Variants in IKBKB observed in about 807,000 individuals in gnomAD.
IKBKB encodes the protein inhibitor of nuclear factor kappa-B kinase subunit beta.
A neutral mutation model predicts 113.6 loss-of-function variants in IKBKB; 42 were observed. That is an observed-to-expected ratio of 0.37 (90% CI 0.29 to 0.48). IKBKB has a LOEUF of 0.48. Among genes scored for constraint, IKBKB ranks in the 20% least tolerant of loss-of-function variants. The probability of loss-of-function intolerance (pLI) is 0.99; values close to 1 mark genes in which losing one functional copy is unlikely to be tolerated. For synonymous variants in IKBKB, 296 were observed against 361.3 expected (o/e 0.82, Z 2.05); for missense variants, 673 against 939.7 (o/e 0.72, Z 3.71).
At chr8:42,307,536 G>A (rs890348279) in intron 7 of IKBKB, among the ~76,000 whole-genome samples, 2 of 152,142 alleles carry the variant, frequency 1.3e-5, no homozygotes, top group African/African-American at 4.8e-5. Context: ...TTCCAGGAGG[G>A]CTTAGCACAA....
Position 42,271,311 on chromosome 8 carries a change from G to C in IKBKB, c.-177G>C. 1.1e-6 allele frequency: 1 copy of C among 947,678 alleles called. No individual in the cohort carries two copies. The highest frequency in any genetic ancestry group is 1.4e-5 in the South Asian group (1 of 72,390). 58.7% of individuals were successfully genotyped at this position (947,678 alleles called of 1,614,324 possible). Reference sequence around the variant, plus strand: ...GCGGCCAACGTGCTCCGTGACGTCAGAGCAGGAAGTGTTTGAGGAAGTCGC... The same window carrying C: ...GCGGCCAACGTGCTCCGTGACGTCACAGCAGGAAGTGTTTGAGGAAGTCGC... On this transcript the variant is annotated 5_prime_UTR_variant, in exon 1 of 22. Transcript: ENST00000520810.
chr8:42,329,668 C>T, intron 21 of IKBKB: 3 of 985,360 alleles, frequency 3.0e-6, no homozygotes, highest in Non-Finnish European at 3.6e-6. Flanking sequence ...AGCCTGTCCC[C>T]ACCTGCACCA....
chr8:42,299,917 G>A (rs1419820808), intron 5 of IKBKB, among the ~76,000 whole-genome samples: 2 of 152,222 alleles, frequency 1.3e-5, no homozygotes, highest in African/African-American at 4.8e-5. Context: ...ACTGCTCTGT[G>A]ATTTCTGTCT....
At position 42,272,995 on chromosome 8, in the gene IKBKB, A is replaced by G. The variant is rs534684356; in HGVS notation, c.105+790A>G. Among the ~76,000 whole-genome samples the G allele has an allele frequency of 2.0e-3, 293 of 150,038 alleles. 3 individuals are homozygous for G. In the Middle Eastern group the frequency reaches 0.024, roughly 13 times the overall value. ...AGCCTTGGTGCGTACCTGTAGTCCC[A>G]CTACATTGGAGGCTGATGTGGGAGG... On this transcript the variant is annotated intron_variant, in intron 2 of 21. Coordinates refer to ENST00000520810, the MANE Select transcript of IKBKB (RefSeq NM_001556.3).
intron 2 of IKBKB, among the ~76,000 whole-genome samples, chr8:42,288,390 CAA>C (rs35281996): frequency 1.1e-3 from 144 of 136,272 alleles, no homozygotes; most frequent in Middle Eastern, 3.6e-3. Flanking sequence ...CCATCTCAAA[CAA>C]AAAAAAAAAA....
chr8:42,326,416 C>A lies in IKBKB; in HGVS notation c.2114+319C>A, dbSNP rs7386692. The A allele has an allele frequency of 0.99, 257,565 of 260,380 alleles. 127,407 individuals are homozygous for A. Among genetic ancestry groups the A allele is most frequent in the East Asian group, 1 (8,483 of 8,484 alleles). 16.1% of individuals were successfully genotyped at this position (260,380 alleles called of 1,614,324 possible). On this transcript the variant is annotated intron_variant, in intron 20 of 21. Transcript: ENST00000520810. ...TTCCCTTCAGGGAGGCCCTGAAGCC[C>A]TCTGCCCCCACTCACCCTACCAGTA... is the stretch of plus-strand genomic sequence containing the variant.
intron 5 of IKBKB, 81 bp downstream of exon 5, chr8:42,293,593 G>A: frequency 6.2e-7 from 1 of 1,610,666 alleles, no homozygotes; most frequent in Non-Finnish European, 8.5e-7. Flanking sequence ...AGCCCTGCAG[G>A]CAGACACTTC....
chr8:42,273,767 C>T (rs891519045), intron 2 of IKBKB, among the ~76,000 whole-genome samples: 1 of 151,792 alleles, frequency 6.6e-6, no homozygotes, highest in Non-Finnish European at 1.5e-5. Flanking sequence ...TGTCCAGGCT[C>T]GTCTAGAACT....
Position 42,329,973 on chromosome 8 carries a change from C to T in IKBKB, c.2205+759C>T, listed in dbSNP as rs572671011. 164 of 985,424 alleles carry T rather than the reference C, an allele frequency of 1.7e-4. No individual in the cohort carries two copies. The African/African-American group carries it at 1.7e-3, about 10-fold the overall frequency. The allele number at this position is 985,424 out of a possible 1,614,324, so 61.0% of individuals were successfully genotyped here. A position where few individuals can be genotyped will look rare whatever the true frequency, so the allele number is the denominator to read the frequency against. On this transcript the variant is annotated intron_variant, in intron 21 of 21. Transcript: ENST00000520810. ...GAATTGCAGCCTTTGCTGATGTAGT[C>T]GCATGTCCTCCTCCAGTCTGTGGAC...
intron 8 of IKBKB, 40 bp downstream of exon 8, chr8:42,309,065 G>C: frequency 6.3e-7 from 1 of 1,597,298 alleles, no homozygotes; most frequent in Non-Finnish European, 8.5e-7. Context: ...GAGGGAGCCT[G>C]TCTGTTCCTT....
At chr8:42,281,704 C>G (rs1810402199) in intron 2 of IKBKB, among the ~76,000 whole-genome samples, 1 of 152,200 alleles carries the variant, frequency 6.6e-6, no homozygotes, top group Admixed American at 6.5e-5. Context: ...TGCCCAGTCT[C>G]TCTGGTCCCA....
intron 2 of IKBKB, among the ~76,000 whole-genome samples, chr8:42,286,716 T>A (rs1439967654): frequency 6.6e-6 from 1 of 152,190 alleles, no homozygotes; most frequent in Non-Finnish European, 1.5e-5. Context: ...TTCAGTACCA[T>A]GTCTGTTGCT....
At position 42,308,773 on chromosome 8, in the gene IKBKB, C is replaced by G; in HGVS notation, c.568-128C>G. 4 of 828,962 alleles carry G rather than the reference C, an allele frequency of 4.8e-6. No individual in the cohort carries two copies. In the South Asian group the frequency reaches 6.5e-5, roughly 13 times the overall value. 51.4% of individuals were successfully genotyped at this position (828,962 alleles called of 1,614,324 possible). A position where few individuals can be genotyped will look rare whatever the true frequency, so the allele number is the denominator to read the frequency against. ...AAACATGCCTGGGGTGCCCTCCTCGCCCTGCATGCATGTGCCAGTGCCCTC... is the reference window on the plus strand; with the variant it reads ...AAACATGCCTGGGGTGCCCTCCTCGGCCTGCATGCATGTGCCAGTGCCCTC... On this transcript the variant is annotated intron_variant, in intron 7 of 21. Coordinates refer to ENST00000520810, the MANE Select transcript of IKBKB (RefSeq NM_001556.3).
chr8:42,293,448 G>A lies in IKBKB; in HGVS notation c.324G>A (p.Leu108=). ...YCQGGDLRKY[L]NQFENCCGLR... ...GCTTTTCACTTTCTTGACAGTACCT[G>A]AACCAGTTTGAGAACTGCTGTGGTC... The change falls in exon 5 of 22, where the codon CTG becomes CTA. Residue 108 remains leucine (L), a synonymous_variant. Transcript: ENST00000520810. 1 of 1,614,178 alleles carries A rather than the reference G, an allele frequency of 6.2e-7. No homozygotes were observed. Among genetic ancestry groups the A allele is most frequent in the Non-Finnish European group, 8.5e-7 (1 of 1,180,038 alleles).
In IKBKB at chr8:42,331,202, C is replaced by A; in HGVS notation, c.*223C>A. On this transcript the variant is annotated 3_prime_UTR_variant, in exon 22 of 22. Coordinates refer to ENST00000520810, the MANE Select transcript of IKBKB (RefSeq NM_001556.3). ...CAGCAGCTGTGACTTTCACCCAGGA[C>A]CCAGGACGCAGCCCTCCGTGGGCAC... 1 of 770,028 alleles carries A rather than the reference C, an allele frequency of 1.3e-6. No homozygotes were observed. Among genetic ancestry groups the A allele is most frequent in the Non-Finnish European group, 2.2e-6 (1 of 448,148 alleles). The allele number at this position is 770,028 out of a possible 1,614,324, so 47.7% of individuals were successfully genotyped here.
intron 2 of IKBKB, among the ~76,000 whole-genome samples, chr8:42,277,934 A>G (rs1024815891): frequency 6.6e-6 from 1 of 152,234 alleles, no homozygotes; most frequent in African/African-American, 2.4e-5. Context: ...TCGAATGTCT[A>G]TTATGTGTAC....
intron 7 of IKBKB, among the ~76,000 whole-genome samples, chr8:42,308,320 CAG>C (rs1190926811): frequency 7.4e-6 from 1 of 134,318 alleles, no homozygotes; most frequent in African/African-American, 2.9e-5. Flanking sequence ...TTTTTTTAGA[CAG>C]AGTCTCACTC....
At chr8:42,317,209 T>TAAA (rs35978252) in intron 11 of IKBKB, 371 of 296,130 alleles carry the variant, frequency 1.3e-3, no homozygotes, top group Middle Eastern at 2.4e-3. Flanking sequence ...CCAAGTGTAC[T>TAAA]AAAAAAAAAA....
At chr8:42,310,555 T>C (rs926222705) in intron 8 of IKBKB, among the ~76,000 whole-genome samples, 2 of 152,246 alleles carry the variant, frequency 1.3e-5, no homozygotes, top group Non-Finnish European at 2.9e-5. Context: ...GAATTTCTTT[T>C]TGAGCCAATT....
Sources: allele counts gnomAD v4.1 joint callset (sites outside exome capture counted in the v4.1 genomes callset), GRCh38; gene constraint gnomAD v4.1.1; transcripts MANE v1.5; gene names NCBI Gene and HGNC (gene_info 2026-07-23, HGNC 2026-07-21).